NCS1: variants seen among roughly 807,000 people sequenced by gnomAD.
NCS1 encodes neuronal calcium sensor 1.
In NCS1, 6 loss-of-function variants were observed where a neutral mutation model predicts 28.4. The ratio of observed to expected loss-of-function variants is 0.21; its 90% CI spans 0.12 to 0.42. The LOEUF is 0.42. Among genes scored for constraint, NCS1 ranks in the 10% least tolerant of loss-of-function variants. The pLI is 1.00. For synonymous variants in NCS1, 86 were observed against 99.3 expected, an observed-to-expected ratio of 0.87 and a Z score of 0.79; for missense variants, 131 against 241.4, an observed-to-expected ratio of 0.54 and a Z score of 3.03.
rs184638951 is a variant in NCS1 at position 130,183,903 on chromosome 9, G to A, written c.64+11176G>A. ...CGGCCCACTGCAAGCTCTGCCTCCC[G>A]GGTTCACGCCATTCTCTGGCCTCAG... On this transcript the variant is annotated intron_variant, in intron 1 of 7. Coordinates refer to ENST00000372398, the MANE Select transcript of NCS1 (RefSeq NM_014286.4). Among the ~76,000 whole-genome samples, 356 of 151,100 alleles carry A rather than the reference G, an allele frequency of 2.4e-3. 1 individual carries two copies. The highest frequency in any genetic ancestry group is 8.3e-3 in the African/African-American group (342 of 41,096).
In NCS1 at chr9:130,216,092, TC is replaced by T. The variant is rs1833180475; in HGVS notation, c.90-1738del. Among the ~76,000 whole-genome samples the T allele has an allele frequency of 2.0e-5, 3 of 152,318 alleles. No homozygotes were observed. In the South Asian group the frequency reaches 6.2e-4, roughly 32 times the overall value. On this transcript the variant is annotated intron_variant, in intron 2 of 7. Coordinates refer to ENST00000372398, the MANE Select transcript of NCS1 (RefSeq NM_014286.4). The stretch of plus-strand genomic sequence containing the variant: ...CATGTCCCTTCACATGTGCCCAGGA[TC>T]CATTCCAGCCCCTTAGATTCCTCTT...
chr9:130,213,618 C>T (rs1195245388), intron 2 of NCS1, among the ~76,000 whole-genome samples: 1 of 150,716 alleles, frequency 6.6e-6, no homozygotes, highest in Non-Finnish European at 1.5e-5. Flanking sequence ...TGGAGCCTCA[C>T]TTTATCGCCC....
chr9:130,187,507 C>T (rs775337126), intron 1 of NCS1, among the ~76,000 whole-genome samples: 1 of 152,170 alleles, frequency 6.6e-6, no homozygotes, highest in Admixed American at 6.5e-5. Context: ...GCCAGTTGCC[C>T]TGGAACACAT....
intron 1 of NCS1, among the ~76,000 whole-genome samples, chr9:130,195,953 G>A (rs937915199): frequency 6.6e-6 from 1 of 152,226 alleles, no homozygotes; most frequent in Non-Finnish European, 1.5e-5. Flanking sequence ...CAGACCCACC[G>A]AGGGAGGCAG....
chr9:130,223,939 T>C (rs1372409926), intron 6 of NCS1, among the ~76,000 whole-genome samples: 6 of 151,552 alleles, frequency 4.0e-5, no homozygotes, highest in Non-Finnish European at 8.8e-5. Context: ...CTCTGCCGCC[T>C]GGGTTCACGC....
At chr9:130,222,789 G>C in intron 5 of NCS1, 51 bp downstream of exon 5, 1 of 1,555,292 alleles carries the variant, frequency 6.4e-7, no homozygotes, top group Non-Finnish European at 8.9e-7. Flanking sequence ...GGCAAAGCCA[G>C]TGACTGAGAG....
At chr9:130,193,619 TTGGACGGGGGTGGGGGAGC>T (rs538774449) in intron 1 of NCS1, among the ~76,000 whole-genome samples, 1 of 149,372 alleles carries the variant, frequency 6.7e-6, no homozygotes, top group East Asian at 2.0e-4. Flanking sequence ...GGTGAGGAGC[TTGGACGGGGGTGGGGGAGC>T]TGAACTGCAG....
At chr9:130,201,472 G>A (rs972038338) in intron 2 of NCS1, among the ~76,000 whole-genome samples, 9 of 152,136 alleles carry the variant, frequency 5.9e-5, no homozygotes, top group South Asian at 2.1e-4. Flanking sequence ...GAGGCCGTAC[G>A]TCATGGAGCA....
intron 2 of NCS1, among the ~76,000 whole-genome samples, chr9:130,208,910 T>G (rs1554908410): frequency 6.6e-6 from 1 of 152,074 alleles, no homozygotes; most frequent in Non-Finnish European, 1.5e-5. Context: ...TGGGTCCAGC[T>G]CGCTCTGCCT....
chr9:130,179,995 TTATCTATCTATC>T (rs56120429), intron 1 of NCS1, among the ~76,000 whole-genome samples: 62,611 of 144,986 alleles, frequency 0.43, 13,634 homozygotes, highest in East Asian at 0.55. Context: ...TGCCTTCTTT[TTATCTATCTATC>T]TATCTATCTA....
intron 1 of NCS1, among the ~76,000 whole-genome samples, chr9:130,187,451 G>A (rs1327600287): frequency 3.9e-5 from 6 of 152,142 alleles, no homozygotes; most frequent in Non-Finnish European, 7.4e-5. Context: ...GCTGGCCAGG[G>A]CTGCCTCTGC....
At chr9:130,216,668 A>G (rs1833194378) in intron 2 of NCS1, among the ~76,000 whole-genome samples, 1 of 150,620 alleles carries the variant, frequency 6.6e-6, no homozygotes, top group South Asian at 2.1e-4. Context: ...GTGAGCCGTG[A>G]TCCTGCCACT....
intron 2 of NCS1, among the ~76,000 whole-genome samples, chr9:130,212,187 G>A (rs1833122586): frequency 6.6e-6 from 1 of 152,156 alleles, no homozygotes; most frequent in Non-Finnish European, 1.5e-5. Context: ...ACACGGCCGC[G>A]TGCCTGCCTC....
chr9:130,187,111 C>T (rs1226377252), intron 1 of NCS1, among the ~76,000 whole-genome samples: 1 of 152,090 alleles, frequency 6.6e-6, no homozygotes, highest in African/African-American at 2.4e-5. Context: ...GGCAAGGGCT[C>T]CGCTAGGAGG....
chr9:130,182,977 G>A (rs974269315), intron 1 of NCS1, among the ~76,000 whole-genome samples: 10 of 152,238 alleles, frequency 6.6e-5, no homozygotes, highest in African/African-American at 9.6e-5. Flanking sequence ...TGAGGTCTGG[G>A]CCACATCTTG....
rs782775133 is a variant in NCS1, at chr9:130,190,898, C to T, written c.65-10060C>T. 7.5e-4 allele frequency among the ~76,000 whole-genome samples: 114 copies of T among 152,218 alleles called. 2 individuals are homozygous for T. Among genetic ancestry groups the T allele is most frequent in the Admixed American group, 3.9e-4 (6 of 15,286 alleles). On this transcript the variant is annotated intron_variant, in intron 1 of 7. Transcript: ENST00000372398. ...GGGCCTTGGGGAGGATCCCAAGGGG[C>T]TGAGAGGGAAACGGGGCTTTGATTT...
At position 130,212,535 on chromosome 9, in the gene NCS1, G is replaced by A. The variant is rs75872402; in HGVS notation, c.90-5297G>A. Among the ~76,000 whole-genome samples the A allele has an allele frequency of 7.9e-3, 1,192 of 150,312 alleles. 22 individuals carry two copies. Among genetic ancestry groups the A allele is most frequent in the African/African-American group, 0.028 (1,149 of 40,736 alleles). ...CTTACTTTACTCACAGGGAAACCGAGGGGCGTTGTGGGGAAGGGGTTTGCT... is the reference window on the plus strand; with the variant it reads ...CTTACTTTACTCACAGGGAAACCGAAGGGCGTTGTGGGGAAGGGGTTTGCT... On this transcript the variant is annotated intron_variant, in intron 2 of 7. Transcript: ENST00000372398.
rs1554906379 is a variant in NCS1, at chr9:130,192,662, A to T, written c.65-8296A>T. ...TGCCCACCCAGGAACACCAGCATAT[A>T]TCCCCGGGGCCTTCTGAAATCACCT... On this transcript the variant is annotated intron_variant, in intron 1 of 7. Transcript: ENST00000372398. The surrounding 1 kb of genome is among the most constrained non-coding windows in gnomAD (Gnocchi z 4.8). Among the ~76,000 whole-genome samples, 1 of 151,942 alleles carries T rather than the reference A, an allele frequency of 6.6e-6. No homozygotes were observed. Among genetic ancestry groups the T allele is most frequent in the Non-Finnish European group, 1.5e-5 (1 of 67,950 alleles).
chr9:130,186,350 G>A lies in NCS1; in HGVS notation c.64+13623G>A, dbSNP rs1429737365. Among the ~76,000 whole-genome samples, 1 of 152,140 alleles carries A rather than the reference G, an allele frequency of 6.6e-6. No individual in the cohort carries two copies. ...TGGGGTGCATCTGGGAGGGCTTCCT[G>A]GAGGAGGTAATATTGTAGTTGAGAC... is the stretch of plus-strand genomic sequence containing the variant. On this transcript the variant is annotated intron_variant, in intron 1 of 7. Transcript: ENST00000372398. This position sits in a 1 kb window ranked among gnomAD's most constrained non-coding sequence, Gnocchi z 4.1.
Sources: gnomAD v4.1 joint callset for allele counts (sites outside exome capture counted in the v4.1 genomes callset) on GRCh38, gnomAD v4.1.1 for gene constraint, Gnocchi (gnomAD v3.1) non-coding constraint, MANE v1.5 for transcripts, NCBI Gene and HGNC (gene_info 2026-07-23, HGNC 2026-07-21) for gene names.